The following DCAF10 variants were observed in gnomAD, a reference collection of about 807,000 sequenced individuals.
DCAF10 encodes DDB1 and CUL4 associated factor 10.
In DCAF10, 19 loss-of-function variants were observed where a neutral mutation model predicts 51.9. That is an observed-to-expected ratio of 0.37 (90% CI 0.26 to 0.54). The LOEUF is 0.54. Among genes scored for constraint, DCAF10 ranks in the 20% least tolerant of loss-of-function variants. The pLI, the probability that DCAF10 is intolerant of heterozygous loss-of-function variation, is 0.87. For synonymous variants in DCAF10, 291 were observed against 297.1 expected (o/e 0.98, Z 0.21); for missense variants, 510 against 730.6 (o/e 0.70, Z 3.48).
rs1423230652 is a variant in DCAF10 at position 37,800,929 on chromosome 9, G to A, written c.63G>A (p.Glu21=). 7 of 1,495,816 alleles carry A rather than the reference G, an allele frequency of 4.7e-6. No homozygotes were observed. The highest frequency in any genetic ancestry group is 1.4e-5 in the African/African-American group (1 of 70,358). 92.7% of individuals were successfully genotyped at this position (1,495,816 alleles called of 1,614,324 possible). A position where few individuals can be genotyped will look rare whatever the true frequency, so the allele number is the denominator to read the frequency against. ...GATCGGCCGGAGCCGGGGCTGAGGA[G>A]CCGACGCCCCACGAGGGGCAGGCAG... is the stretch of plus-strand genomic sequence containing the variant. ...GDGSAGAGAE[E]PTPHEGQAAA... Residue 21 remains glutamate, a synonymous_variant, in exon 1 of 7, where the codon GAG becomes GAA. Transcript: ENST00000377724.
At chr9:37,853,123 G>C (rs2118138909) in intron 3 of DCAF10, among the ~76,000 whole-genome samples, 1 of 144,386 alleles carries the variant, frequency 6.9e-6, no homozygotes, top group African/African-American at 2.6e-5. Context: ...TTGCACTCTA[G>C]CCTGGGCAAC....
rs1191071229 is a variant in DCAF10, at chr9:37,863,891, T to C, written c.*2383T>C. On this transcript the variant is annotated 3_prime_UTR_variant, in exon 7 of 7. Coordinates refer to ENST00000377724, the MANE Select transcript of DCAF10 (RefSeq NM_024345.5). ...TTTTTGAAATTAGATCATTTTACCA[T>C]GGATGTTAACAAAATTGGAAATTTT... 2.0e-5 allele frequency: 3 copies of C among 152,202 alleles called. No individual in the cohort carries two copies. Among genetic ancestry groups the C allele is most frequent in the Non-Finnish European group, 2.9e-5 (2 of 68,024 alleles). The allele number at this position is 152,202 out of a possible 1,614,324, so 9.4% of individuals were successfully genotyped here.
chr9:37,855,061 A>C, intron 4 of DCAF10, 79 bp downstream of exon 4: 1 of 1,353,048 alleles, frequency 7.4e-7, no homozygotes, highest in Non-Finnish European at 1.0e-6. Context: ...CTTTTCTGAA[A>C]ATGATAGCAG....
intron 1 of DCAF10, among the ~76,000 whole-genome samples, chr9:37,813,263 C>A (rs1829410163): frequency 6.6e-6 from 1 of 152,040 alleles, no homozygotes; most frequent in Admixed American, 6.6e-5. Flanking sequence ...TATGCCTGGC[C>A]ATTTTATTTT....
Position 37,862,284 on chromosome 9 carries a change from G to C in DCAF10, c.*776G>C, listed in dbSNP as rs1831040089. On this transcript the variant is annotated 3_prime_UTR_variant, in exon 7 of 7. Coordinates refer to ENST00000377724, the MANE Select transcript of DCAF10 (RefSeq NM_024345.5). ...TGTTCCTATCAACAGCATTAGAAAG[G>C]AAAGGAGACAGAATGAGCTTTGGTT... The C allele has an allele frequency of 6.6e-6, 1 of 152,588 alleles. No individual in the cohort carries two copies. Among genetic ancestry groups the C allele is most frequent in the South Asian group, 2.1e-4 (1 of 4,834 alleles). The allele number at this position is 152,588 out of a possible 1,614,324, so 9.5% of individuals were successfully genotyped here. A position where few individuals can be genotyped will look rare whatever the true frequency, so the allele number is the denominator to read the frequency against.
chr9:37,815,294 T>C (rs905983744), intron 1 of DCAF10, among the ~76,000 whole-genome samples: 1 of 152,196 alleles, frequency 6.6e-6, no homozygotes, highest in African/African-American at 2.4e-5. Context: ...CTATTCAACA[T>C]TGTTCTGAAA....
At chr9:37,808,910 C>T (rs1829244214) in intron 1 of DCAF10, among the ~76,000 whole-genome samples, 1 of 147,680 alleles carries the variant, frequency 6.8e-6, no homozygotes, top group Admixed American at 7.0e-5. Flanking sequence ...GGCAGGAGTT[C>T]AAGACCAGCC....
intron 2 of DCAF10, chr9:37,836,198 A>C: frequency 6.7e-7 from 1 of 1,484,502 alleles, no homozygotes; most frequent in East Asian, 2.3e-5. Flanking sequence ...TTCAGTATGA[A>C]ATGAGAACAC....
Position 37,866,940 on chromosome 9 carries a change from T to A in DCAF10, c.*5432T>A, listed in dbSNP as rs1312873393. 1 of 152,312 alleles carries A rather than the reference T, an allele frequency of 6.6e-6. No individual in the cohort carries two copies. The highest frequency in any genetic ancestry group is 1.5e-5 in the Non-Finnish European group (1 of 68,032). 9.4% of individuals were successfully genotyped at this position (152,312 alleles called of 1,614,324 possible). A position where few individuals can be genotyped will look rare whatever the true frequency, so the allele number is the denominator to read the frequency against. ...AGACATAAGAGTATTTTGGATGCCA[T>A]TAAACTTTGTCAATAACCATTAAAA... On this transcript the variant is annotated 3_prime_UTR_variant, in exon 7 of 7. Transcript: ENST00000377724.
At chr9:37,858,955 T>C (rs1411599075) in intron 5 of DCAF10, among the ~76,000 whole-genome samples, 1 of 152,224 alleles carries the variant, frequency 6.6e-6, no homozygotes, top group East Asian at 1.9e-4. Flanking sequence ...TGCCATCTCC[T>C]GAGGAACCCC....
Position 37,800,880 on chromosome 9 carries a change from G to A in DCAF10, c.14G>A (p.Gly5Glu), listed in dbSNP as rs1828899813. The A allele has an allele frequency of 1.3e-6, 2 of 1,496,546 alleles. No individual in the cohort carries two copies. The highest frequency in any genetic ancestry group is 1.8e-6 in the Non-Finnish European group (2 of 1,129,840). The allele number at this position is 1,496,546 out of a possible 1,614,324, so 92.7% of individuals were successfully genotyped here. ...GGGGCGTTGATCATGTTTCCCTTTG[G>A]GCCCCATAGCCCTGGAGGGGACGGA... MFPF[G>E]PHSPGGDGSA... Residue 5 changes from glycine (G) to glutamate (E), a missense_variant, in exon 1 of 7, where the codon GGG (glycine) becomes GAG (glutamate). Transcript: ENST00000377724.
At chr9:37,814,103 TATATATATATATATATATATATATTTG>T (rs1393009054) in intron 1 of DCAF10, among the ~76,000 whole-genome samples, 7 of 101,686 alleles carry the variant, frequency 6.9e-5, no homozygotes, top group African/African-American at 2.4e-4. Flanking sequence ...TATATATATA[TATATATATATATATATATATATATTTG>T]TTGTTGTTGT....
chr9:37,813,135 C>G (rs970328331), intron 1 of DCAF10, among the ~76,000 whole-genome samples: 31 of 152,152 alleles, frequency 2.0e-4, no homozygotes, highest in Admixed American at 1.5e-3. Context: ...GGATCTTGCA[C>G]TGTTGCCCAG....
At chr9:37,822,618 A>G (rs1829739358) in intron 2 of DCAF10, among the ~76,000 whole-genome samples, 1 of 152,030 alleles carries the variant, frequency 6.6e-6, no homozygotes, top group East Asian at 1.9e-4. Flanking sequence ...TAAGAATGAT[A>G]CAATAGACTT....
At chr9:37,812,800 A>G (rs1829392118) in intron 1 of DCAF10, among the ~76,000 whole-genome samples, 1 of 152,040 alleles carries the variant, frequency 6.6e-6, no homozygotes, top group African/African-American at 2.4e-5. Flanking sequence ...TGGCTGGCTA[A>G]TTTTTTTATT....
At chr9:37,846,719 G>A (rs890950930) in intron 3 of DCAF10, among the ~76,000 whole-genome samples, 6 of 152,070 alleles carry the variant, frequency 3.9e-5, no homozygotes, top group East Asian at 1.9e-4. Context: ...GCCTCCCAAA[G>A]TGCTGGGATT....
chr9:37,808,594 T>A (rs1313895524), intron 1 of DCAF10, among the ~76,000 whole-genome samples: 1 of 103,532 alleles, frequency 9.7e-6, no homozygotes, highest in Non-Finnish European at 1.8e-5. Flanking sequence ...AATATATTTA[T>A]ATAATATAAT....
rs919261031 is a variant in DCAF10, at chr9:37,862,000, C to T, written c.*492C>T. On this transcript the variant is annotated 3_prime_UTR_variant, in exon 7 of 7. Coordinates refer to ENST00000377724, the MANE Select transcript of DCAF10 (RefSeq NM_024345.5). This position sits in a 1 kb window ranked among gnomAD's most constrained non-coding sequence, Gnocchi z 4.9. The stretch of plus-strand genomic sequence containing the variant: ...TGTTGAAAAATAAATTTCATCCTCA[C>T]TTATGAGTATACTTGGCCTTTTAAA... The T allele has an allele frequency of 6.4e-6, 1 of 157,244 alleles. No homozygotes were observed. The highest frequency in any genetic ancestry group is 2.4e-5 in the African/African-American group (1 of 41,486). The allele number at this position is 157,244 out of a possible 1,614,324, so 9.7% of individuals were successfully genotyped here.
In DCAF10 at chr9:37,844,164, G is replaced by A. The variant is rs910215089; in HGVS notation, c.851+1878G>A. ...GTGGACAGAATTACAAGAAAGAAGTGAGAAATCTCCATCTCAGTGGAAAAT... is the reference window on the plus strand; with the variant it reads ...GTGGACAGAATTACAAGAAAGAAGTAAGAAATCTCCATCTCAGTGGAAAAT... On this transcript the variant is annotated intron_variant, in intron 3 of 6. Transcript: ENST00000377724. 1.4e-4 allele frequency among the ~76,000 whole-genome samples: 21 copies of A among 152,340 alleles called. No homozygotes were observed. In the East Asian group the frequency reaches 3.1e-3, roughly 22 times the overall value.
Sources: gnomAD v4.1 joint callset for allele counts (sites outside exome capture counted in the v4.1 genomes callset) on GRCh38, gnomAD v4.1.1 for gene constraint, Gnocchi (gnomAD v3.1) non-coding constraint, MANE v1.5 for transcripts, NCBI Gene and HGNC (gene_info 2026-07-23, HGNC 2026-07-21) for gene names.